Variants in SHISA6 observed in about 807,000 individuals in gnomAD.
SHISA6 encodes the protein protein shisa-6.
Under a neutral mutation model 47.9 loss-of-function variants are expected in SHISA6, and 22 were observed. The observed-to-expected ratio is 0.46, with a 90% confidence interval of 0.33 to 0.66. SHISA6 has a LOEUF of 0.66. Among genes scored for constraint, SHISA6 ranks in the 30% least tolerant of loss-of-function variants. The probability of loss-of-function intolerance (pLI) is 0.02; values close to 1 mark genes in which losing one functional copy is unlikely to be tolerated. For synonymous variants in SHISA6, 388 were observed against 337.8 expected, an observed-to-expected ratio of 1.15 and a Z score of -1.63; for missense variants, 680 against 764.6, an observed-to-expected ratio of 0.89 and a Z score of 1.30.
chr17:11,404,310 G>A (rs758807118), intron 3 of SHISA6, among the ~76,000 whole-genome samples: 7 of 152,208 alleles, frequency 4.6e-5, no homozygotes, highest in Non-Finnish European at 8.8e-5. Context: ...GGCAGAAAAT[G>A]GCATCGGGAG....
intron 2 of SHISA6, among the ~76,000 whole-genome samples, chr17:11,269,044 G>GTTTT (rs1302302002): frequency 7.1e-6 from 1 of 141,100 alleles, no homozygotes; most frequent in Admixed American, 6.8e-5. Flanking sequence ...TTGTTTGTCT[G>GTTTT]TTTTGTTTTT....
chr17:11,378,316 CT>C (rs1047268875), intron 2 of SHISA6, among the ~76,000 whole-genome samples: 11 of 151,600 alleles, frequency 7.3e-5, no homozygotes, highest in South Asian at 2.1e-4. Context: ...TGTTTGTGTG[CT>C]TTTTTTCTAT....
In SHISA6 at chr17:11,467,263, G is replaced by A. The variant is rs76674602; in HGVS notation, c.896-84633G>A. Among the ~76,000 whole-genome samples the A allele has an allele frequency of 2.7e-3, 410 of 152,190 alleles. 1 individual carries two copies. The highest frequency in any genetic ancestry group is 9.6e-3 in the African/African-American group (399 of 41,512). ...CTGCTCTTGGCTCCAGGGTTATAAT[G>A]ATGAACAAGCTCACGCTGGTCCCCA... On this transcript the variant is annotated intron_variant, in intron 3 of 5. Coordinates refer to ENST00000441885, the MANE Select transcript of SHISA6 (RefSeq NM_207386.4).
At chr17:11,549,379 C>T (rs1161879203) in intron 3 of SHISA6, among the ~76,000 whole-genome samples, 1 of 152,130 alleles carries the variant, frequency 6.6e-6, no homozygotes, top group African/African-American at 2.4e-5. Flanking sequence ...AAAGGAAAAG[C>T]ACTGTACTTG....
chr17:11,430,915 C>T (rs1008903911), intron 3 of SHISA6, among the ~76,000 whole-genome samples: 3 of 152,184 alleles, frequency 2.0e-5, no homozygotes, highest in South Asian at 2.1e-4. Context: ...AGAGGCTTAA[C>T]GGAAGCAGCA....
At chr17:11,282,451 AG>A (rs1285329866) in intron 2 of SHISA6, among the ~76,000 whole-genome samples, 2 of 151,588 alleles carry the variant, frequency 1.3e-5, no homozygotes, top group African/African-American at 4.9e-5. Flanking sequence ...CACAACATGC[AG>A]GTTTGATATA....
chr17:11,254,578 C>A (rs940959585), intron 1 of SHISA6, among the ~76,000 whole-genome samples: 2 of 152,232 alleles, frequency 1.3e-5, no homozygotes, highest in Admixed American at 1.3e-4. Flanking sequence ...CCCCTCCTCT[C>A]ATGCACAGCA....
intron 2 of SHISA6, among the ~76,000 whole-genome samples, chr17:11,357,835 G>T (rs1912125762): frequency 6.6e-6 from 1 of 152,186 alleles, no homozygotes; most frequent in Non-Finnish European, 1.5e-5. Context: ...AAGCCAAAGG[G>T]TGTGCGTGTT....
chr17:11,312,572 A>T (rs1910375849), intron 2 of SHISA6, among the ~76,000 whole-genome samples: 1 of 152,216 alleles, frequency 6.6e-6, no homozygotes, highest in Non-Finnish European at 1.5e-5. Flanking sequence ...TAGTTGTCCA[A>T]AGGGATCACT....
intron 2 of SHISA6, among the ~76,000 whole-genome samples, chr17:11,370,077 T>C (rs1230629451): frequency 6.6e-6 from 1 of 152,086 alleles, no homozygotes; most frequent in African/African-American, 2.4e-5. Context: ...CCTTGAAGAC[T>C]CTTTCTGTTG....
At chr17:11,295,743 C>T (rs1909729161) in intron 2 of SHISA6, among the ~76,000 whole-genome samples, 1 of 152,052 alleles carries the variant, frequency 6.6e-6, no homozygotes, top group South Asian at 2.1e-4. Flanking sequence ...GCAGGCAGGT[C>T]ATGAGGTCAG....
intron 3 of SHISA6, among the ~76,000 whole-genome samples, chr17:11,420,502 C>T (rs1914422092): frequency 6.6e-6 from 1 of 152,114 alleles, no homozygotes; most frequent in South Asian, 2.1e-4. Context: ...ACAAGAGAAA[C>T]TAAGTTAAGC....
intron 3 of SHISA6, among the ~76,000 whole-genome samples, chr17:11,435,898 CTTTT>C (rs1365099480): frequency 1.3e-5 from 2 of 152,028 alleles, no homozygotes; most frequent in Non-Finnish European, 2.9e-5. Flanking sequence ...GGATGGCTTT[CTTTT>C]TGTTTTTCCT....
intron 2 of SHISA6, among the ~76,000 whole-genome samples, chr17:11,362,133 G>A (rs529033655): frequency 4.7e-4 from 71 of 152,022 alleles, no homozygotes; most frequent in African/African-American, 1.7e-3. Context: ...TCATATTCCT[G>A]GGCCTAGTTT....
At chr17:11,529,137 G>A (rs533154410) in intron 3 of SHISA6, among the ~76,000 whole-genome samples, 1 of 151,748 alleles carries the variant, frequency 6.6e-6, no homozygotes, top group East Asian at 1.9e-4. Flanking sequence ...AGTTTGCAGT[G>A]AGCCAAGATT....
At chr17:11,341,097 A>G (rs999914201) in intron 2 of SHISA6, among the ~76,000 whole-genome samples, 39 of 152,274 alleles carry the variant, frequency 2.6e-4, no homozygotes, top group South Asian at 6.2e-4. Flanking sequence ...CTGTTGGTCA[A>G]TCTCTGGCTG....
At chr17:11,308,134 A>G (rs926982692) in intron 2 of SHISA6, among the ~76,000 whole-genome samples, 3 of 152,138 alleles carry the variant, frequency 2.0e-5, no homozygotes, top group African/African-American at 7.2e-5. Context: ...GCCTTTAGAA[A>G]TGCTGGCCCA....
At position 11,561,378 on chromosome 17, in the gene SHISA6, C is replaced by G. The variant is rs925142831; in HGVS notation, c.*3074C>G. 1 of 152,612 alleles carries G rather than the reference C, an allele frequency of 6.6e-6. No homozygotes were observed. The highest frequency in any genetic ancestry group is 6.5e-5 in the Admixed American group (1 of 15,312). 9.5% of individuals were successfully genotyped at this position (152,612 alleles called of 1,614,324 possible). ...AAGTTCTGCCTGGTTTCCTTGGCCTCTGATGGCATTGAAGCTTTCACAATC... is the reference window on the plus strand; with the variant it reads ...AAGTTCTGCCTGGTTTCCTTGGCCTGTGATGGCATTGAAGCTTTCACAATC... On this transcript the variant is annotated 3_prime_UTR_variant, in exon 6 of 6. Transcript: ENST00000441885.
At chr17:11,290,597 G>GC (rs955018226) in intron 2 of SHISA6, 13 of 152,056 alleles carry the variant, frequency 8.5e-5, no homozygotes, top group African/African-American at 2.9e-4. Flanking sequence ...TGATATGCCT[G>GC]CCTCGGCCTC....
Sources: allele counts gnomAD v4.1 joint callset (sites outside exome capture counted in the v4.1 genomes callset), GRCh38; gene constraint gnomAD v4.1.1; transcripts MANE v1.5; gene names NCBI Gene and HGNC (gene_info 2026-07-23, HGNC 2026-07-21).